The following STK32B variants were observed in gnomAD, a reference collection of about 807,000 sequenced individuals.
The protein encoded by STK32B is serine/threonine-protein kinase 32B.
In STK32B, 43 loss-of-function variants were observed where a neutral mutation model predicts 52.6. The observed-to-expected ratio is 0.82, with a 90% CI of 0.64 to 1.05. The LOEUF (loss-of-function observed/expected upper bound fraction) is 1.05. Among genes scored for constraint, STK32B ranks in the 50% least tolerant of loss-of-function variants. The pLI, the probability that STK32B is intolerant of heterozygous loss-of-function variation, is 0.00. For synonymous variants in STK32B, 238 were observed against 204.3 expected (o/e 1.17, Z -1.41); for missense variants, 621 against 534.6 (o/e 1.16, Z -1.59).
At chr4:5,189,293 C>G (rs1035167391) in intron 3 of STK32B, among the ~76,000 whole-genome samples, 3 of 152,170 alleles carry the variant, frequency 2.0e-5, no homozygotes, top group East Asian at 1.9e-4. Context: ...CTCTAAAACC[C>G]TCTGTGATCC....
intron 3 of STK32B, among the ~76,000 whole-genome samples, chr4:5,280,628 C>T (rs1223010523): frequency 2.0e-5 from 3 of 152,140 alleles, no homozygotes; most frequent in Non-Finnish European, 1.5e-5. Context: ...AGCGCAGTGG[C>T]TTATGCCTGT....
At chr4:5,342,474 C>T (rs1336294277) in intron 4 of STK32B, among the ~76,000 whole-genome samples, 1 of 152,192 alleles carries the variant, frequency 6.6e-6, no homozygotes, top group East Asian at 1.9e-4. Flanking sequence ...ACCTTGTTTT[C>T]TCACTCATGG....
At chr4:5,224,811 T>C (rs1241863233) in intron 3 of STK32B, among the ~76,000 whole-genome samples, 2 of 152,124 alleles carry the variant, frequency 1.3e-5, no homozygotes, top group Admixed American at 6.5e-5. Context: ...TATTAACTTA[T>C]AGAGTTGATA....
chr4:5,157,242 T>A (rs1717925858), intron 2 of STK32B, among the ~76,000 whole-genome samples: 1 of 149,918 alleles, frequency 6.7e-6, no homozygotes, highest in Non-Finnish European at 1.5e-5. Flanking sequence ...AGTTCAACAG[T>A]TAATGTTCAC....
chr4:5,474,971 C>T (rs900051965), intron 11 of STK32B, among the ~76,000 whole-genome samples: 2 of 152,120 alleles, frequency 1.3e-5, no homozygotes, highest in Non-Finnish European at 2.9e-5. Context: ...AGAGCAAATG[C>T]CTTTCGAATG....
intron 7 of STK32B, among the ~76,000 whole-genome samples, chr4:5,456,023 G>T (rs1716480816): frequency 1.3e-5 from 2 of 152,110 alleles, no homozygotes; most frequent in African/African-American, 4.8e-5. Flanking sequence ...AGCTGGAGAG[G>T]CTCTGGGAGA....
chr4:5,294,340 T>C (rs982921141), intron 3 of STK32B, among the ~76,000 whole-genome samples: 13 of 152,162 alleles, frequency 8.5e-5, no homozygotes, highest in Non-Finnish European at 1.0e-4. Context: ...GGGAATAGCA[T>C]TGAATCTATA....
chr4:5,078,811 A>T (rs1421980983), intron 1 of STK32B, among the ~76,000 whole-genome samples: 2 of 152,096 alleles, frequency 1.3e-5, no homozygotes, highest in African/African-American at 4.8e-5. Flanking sequence ...CTCTTCTCCC[A>T]GAAGATCAAA....
At chr4:5,303,196 C>T (rs79593118) in intron 3 of STK32B, among the ~76,000 whole-genome samples, 11,158 of 151,982 alleles carry the variant, frequency 0.073, 719 homozygotes, top group African/African-American at 0.17. Flanking sequence ...GGTAGATACC[C>T]AGGAGGGGGC....
intron 2 of STK32B, among the ~76,000 whole-genome samples, chr4:5,167,343 G>A (rs948928092): frequency 6.6e-6 from 1 of 152,190 alleles, no homozygotes; most frequent in Non-Finnish European, 1.5e-5. Flanking sequence ...TTATCCATAA[G>A]GTTCTTATAG....
At chr4:5,432,834 T>C (rs1577488512) in intron 6 of STK32B, among the ~76,000 whole-genome samples, 1 of 152,172 alleles carries the variant, frequency 6.6e-6, no homozygotes, top group East Asian at 1.9e-4. Flanking sequence ...GCACTTACTA[T>C]GTGCTTAATC....
chr4:5,085,875 G>T (rs1265497456), intron 1 of STK32B, among the ~76,000 whole-genome samples: 2 of 152,158 alleles, frequency 1.3e-5, no homozygotes, highest in Admixed American at 1.3e-4. Context: ...GTACCAGAGA[G>T]AGCAGAAGAG....
At chr4:5,415,830 A>G (rs1029372190) in intron 5 of STK32B, among the ~76,000 whole-genome samples, 6 of 151,892 alleles carry the variant, frequency 4.0e-5, no homozygotes. Context: ...TGCCCCTCCC[A>G]TATGTAGTCC....
At chr4:5,153,250 C>T (rs978349435) in intron 2 of STK32B, among the ~76,000 whole-genome samples, 1 of 152,176 alleles carries the variant, frequency 6.6e-6, no homozygotes, top group Admixed American at 6.5e-5. Context: ...GTACAGGCTT[C>T]CAGATTGGGG....
chr4:5,307,417 T>C (rs1309321335), intron 3 of STK32B, among the ~76,000 whole-genome samples: 1 of 152,166 alleles, frequency 6.6e-6, no homozygotes, highest in African/African-American at 2.4e-5. Context: ...CTTCTACTTG[T>C]TCAGTTCTAT....
At chr4:5,126,914 A>AT (rs1715399597) in intron 1 of STK32B, among the ~76,000 whole-genome samples, 2 of 152,012 alleles carry the variant, frequency 1.3e-5, no homozygotes, top group Admixed American at 1.3e-4. Context: ...GTCTACTGAT[A>AT]TTTTTCAGTT....
the STK32B span, among the ~76,000 whole-genome samples, chr4:5,042,308 C>G: frequency 6.6e-6 from 1 of 152,210 alleles, no homozygotes; most frequent in Non-Finnish European, 1.5e-5. Context: ...GCCAAGCAGA[C>G]TCAGCACATA....
At chr4:5,196,508 G>A (rs953645061) in intron 3 of STK32B, among the ~76,000 whole-genome samples, 1 of 151,828 alleles carries the variant, frequency 6.6e-6, no homozygotes, top group African/African-American at 2.4e-5. Flanking sequence ...AGATCACGAG[G>A]TCAGGAGTTT....
At chr4:5,372,608 C>T (rs1465340716) in intron 4 of STK32B, among the ~76,000 whole-genome samples, 2 of 152,012 alleles carry the variant, frequency 1.3e-5, no homozygotes, top group Non-Finnish European at 2.9e-5. Flanking sequence ...CAACTCTGTT[C>T]CCATCTTTTC....
Sources: allele counts gnomAD v4.1 joint callset (sites outside exome capture counted in the v4.1 genomes callset), GRCh38; gene constraint gnomAD v4.1.1; transcripts MANE v1.5; gene names NCBI Gene and HGNC (gene_info 2026-07-23, HGNC 2026-07-21).